The following DHRS3 variants were observed in gnomAD, a reference collection of about 807,000 sequenced individuals.
The protein encoded by DHRS3 is short-chain dehydrogenase/reductase 3.
DHRS3 carries 14 observed loss-of-function variants against 27.2 expected under a neutral mutation model. The ratio of observed to expected loss-of-function variants is 0.52; its 90% CI spans 0.34 to 0.81. The LOEUF is 0.81. DHRS3 is among the 30% of genes least tolerant of loss of function. DHRS3 has a pLI of 0.01. For synonymous variants in DHRS3, 165 were observed against 175.9 expected, an observed-to-expected ratio of 0.94 and a Z score of 0.49; for missense variants, 322 against 406.2, an observed-to-expected ratio of 0.79 and a Z score of 1.78.
chr1:12,613,778 G>T (rs1311737627), intron 1 of DHRS3, among the ~76,000 whole-genome samples: 1 of 152,002 alleles, frequency 6.6e-6, no homozygotes, highest in Non-Finnish European at 1.5e-5. Flanking sequence ...TTGTTTGTTT[G>T]TTTGTTTTTG....
intron 2 of DHRS3, chr1:12,579,643 T>C: frequency 2.3e-6 from 1 of 434,570 alleles, no homozygotes; most frequent in Non-Finnish European, 4.0e-6. Flanking sequence ...GCCTGGCTAA[T>C]TTTTATATTT....
At chr1:12,606,024 G>C (rs1646868032) in intron 1 of DHRS3, among the ~76,000 whole-genome samples, 1 of 151,548 alleles carries the variant, frequency 6.6e-6, no homozygotes, top group South Asian at 2.1e-4. Context: ...TGTAGTCCCA[G>C]CTACTTGGGA....
rs1383114158 is a variant in DHRS3, at chr1:12,594,874, G to C, written c.196-14208C>G. Among the ~76,000 whole-genome samples the C allele has an allele frequency of 6.6e-6, 1 of 152,156 alleles. No individual in the cohort carries two copies. The highest frequency in any genetic ancestry group is 1.5e-5 in the Non-Finnish European group (1 of 68,014). On this transcript the variant is annotated intron_variant, in intron 1 of 5. Transcript: ENST00000616661. This position sits in a 1 kb window ranked among gnomAD's most constrained non-coding sequence, Gnocchi z 4.1. ...CTGGGATGCTTAGGTGATGGGAGAA[G>C]AGGGATTCTGGACGGTTGCAGAGCT...
chr1:12,597,557 G>A (rs975376689), intron 1 of DHRS3, among the ~76,000 whole-genome samples: 2 of 152,158 alleles, frequency 1.3e-5, no homozygotes, highest in East Asian at 3.8e-4. Context: ...GTGGTTATTT[G>A]TTTGCTTGGT....
intron 1 of DHRS3, among the ~76,000 whole-genome samples, chr1:12,584,345 G>A (rs1403849018): frequency 1.3e-5 from 2 of 152,082 alleles, no homozygotes; most frequent in African/African-American, 4.8e-5. Flanking sequence ...TGTCTTCCGT[G>A]GGCCAGGAAG....
At chr1:12,575,475 A>G (rs1299905753) in intron 4 of DHRS3, among the ~76,000 whole-genome samples, 1 of 152,192 alleles carries the variant, frequency 6.6e-6, no homozygotes, top group Non-Finnish European at 1.5e-5. Context: ...GCTGCTAAGC[A>G]TGGTTGTAGG....
In DHRS3 at chr1:12,608,298, C is replaced by T. The variant is rs904152998; in HGVS notation, c.195+8856G>A. ...GGTACCACAGACATGTAGAGTACCA[C>T]GGTCATGAATATTACTAGGAACGCA... On this transcript the variant is annotated intron_variant, in intron 1 of 5. Transcript: ENST00000616661. The surrounding 1 kb of genome is among the most constrained non-coding windows in gnomAD (Gnocchi z 4.1). 5.3e-5 allele frequency among the ~76,000 whole-genome samples: 8 copies of T among 152,230 alleles called. No individual in the cohort carries two copies. The highest frequency in any genetic ancestry group is 3.4e-3 in the Middle Eastern group (1 of 294).
intron 1 of DHRS3, among the ~76,000 whole-genome samples, chr1:12,588,614 T>C (rs1022558569): frequency 1.3e-5 from 2 of 152,218 alleles, no homozygotes; most frequent in African/African-American, 4.8e-5. Context: ...GCATCCAGCA[T>C]GGGCCAGGCA....
At chr1:12,612,327 A>G (rs1411886401) in intron 1 of DHRS3, among the ~76,000 whole-genome samples, 2 of 151,806 alleles carry the variant, frequency 1.3e-5, no homozygotes, top group African/African-American at 2.4e-5. Context: ...CTTTTTTTCT[A>G]TTCTCACCAG....
At chr1:12,576,218 C>G (rs988054434) in intron 4 of DHRS3, among the ~76,000 whole-genome samples, 2 of 152,128 alleles carry the variant, frequency 1.3e-5, no homozygotes, top group Non-Finnish European at 1.5e-5. Context: ...CACACAAACT[C>G]GATGTCTGCA....
At chr1:12,595,427 A>AGGGGCTGGGC (rs1460997946) in intron 1 of DHRS3, among the ~76,000 whole-genome samples, 1 of 89,884 alleles carries the variant, frequency 1.1e-5, no homozygotes, top group Non-Finnish European at 2.4e-5. Flanking sequence ...GGGTCCCGGG[A>AGGGGCTGGGC]GGGGCTGGGC....
intron 4 of DHRS3, 106 bp from the exon 5 acceptor site, chr1:12,572,959 C>CT: frequency 7.1e-7 from 1 of 1,398,616 alleles, no homozygotes; most frequent in Non-Finnish European, 9.5e-7. Flanking sequence ...CTTTTCCTGT[C>CT]TGAGAGATTC....
intron 1 of DHRS3, chr1:12,616,438 G>T: frequency 3.6e-6 from 2 of 550,192 alleles, no homozygotes; most frequent in Non-Finnish European, 4.6e-6. Context: ...TGTTTGGTGG[G>T]CAGGACCCTC....
chr1:12,617,210 C>T lies in DHRS3; in HGVS notation c.139G>A (p.Gly47Arg), dbSNP rs1186276792. 5 of 1,613,418 alleles carry T rather than the reference C, an allele frequency of 3.1e-6. No individual in the cohort carries two copies. Among genetic ancestry groups the T allele is most frequent in the Non-Finnish European group, 4.2e-6 (5 of 1,179,904 alleles). Residue 47 changes from glycine (G) to arginine (R), a missense_variant, in exon 1 of 6, where the codon GGG becomes AGG. By Grantham distance (125) the Gly-to-Arg change is moderately radical. Transcript: ENST00000616661. ...SRENVLITGGGRGIGRQLARE... is the reference protein window; with the variant it reads ...SRENVLITGGRRGIGRQLARE... ...GCGAGCTGACGCCCGATGCCTCTCC[C>T]GCCGCCGGTGATGAGGACGTTCTCC...
chr1:12,590,307 AAT>A (rs1414388786), intron 1 of DHRS3, among the ~76,000 whole-genome samples: 1 of 152,014 alleles, frequency 6.6e-6, no homozygotes, highest in Non-Finnish European at 1.5e-5. Flanking sequence ...AGGTTTCTAG[AAT>A]AGTCATTTCT....
At chr1:12,597,140 G>A (rs531198247) in intron 1 of DHRS3, among the ~76,000 whole-genome samples, 15 of 152,072 alleles carry the variant, frequency 9.9e-5, no homozygotes, top group Non-Finnish European at 2.1e-4. Flanking sequence ...GCAGTGGCGC[G>A]ATCTCGGCTC....
chr1:12,606,238 C>T (rs919750731), intron 1 of DHRS3, among the ~76,000 whole-genome samples: 1 of 149,966 alleles, frequency 6.7e-6, no homozygotes, highest in Non-Finnish European at 1.5e-5. Flanking sequence ...AAGTGCCAGA[C>T]CATCCACATC....
intron 5 of DHRS3, among the ~76,000 whole-genome samples, chr1:12,569,229 TCTCACACACA>T (rs1646513388): frequency 2.9e-5 from 4 of 140,262 alleles, no homozygotes; most frequent in South Asian, 2.4e-4. Flanking sequence ...TCTCTCTCTC[TCTCACACACA>T]CACACACACA....
rs1177604380 is a variant in DHRS3, at chr1:12,580,569, C to T, written c.293G>A (p.Gly98Asp). The change falls in exon 2 of 6, where the codon GGC (glycine) becomes GAC (aspartate). Residue 98 changes from glycine (G) to aspartate (D), a missense_variant. Transcript: ENST00000616661. ...CGTCTGGTACACCTCCTCCCGGTTG[C>T]CCACATCACAGATGAAGTAATGGCA... Reference protein sequence around the residue: ...TECHYFICDVGNREEVYQTAK... With the variant: ...TECHYFICDVDNREEVYQTAK... 2 of 1,614,076 alleles carry T rather than the reference C, an allele frequency of 1.2e-6. No homozygotes were observed. The highest frequency in any genetic ancestry group is 1.7e-5 in the Admixed American group (1 of 60,010).
Sources: gnomAD v4.1 joint callset for allele counts (sites outside exome capture counted in the v4.1 genomes callset) on GRCh38, gnomAD v4.1.1 for gene constraint, Gnocchi (gnomAD v3.1) non-coding constraint, MANE v1.5 for transcripts, NCBI Gene and HGNC (gene_info 2026-07-23, HGNC 2026-07-21) for gene names.